ARK2C: variants seen among roughly 807,000 people sequenced by gnomAD.
ARK2C encodes E3 ubiquitin-protein ligase ARK2C.
At chr18:46,371,963 C>T in the ARK2C span, among the ~76,000 whole-genome samples, 4 of 152,186 alleles carry the variant, frequency 2.6e-5, no homozygotes, top group East Asian at 1.9e-4. Context: ...TGACTCCTAA[C>T]GTACTAGACT....
the ARK2C span, among the ~76,000 whole-genome samples, chr18:46,428,182 T>G: frequency 7.2e-5 from 11 of 152,024 alleles, no homozygotes; most frequent in African/African-American, 1.9e-4. Flanking sequence ...AGGCCGAGGC[T>G]GGCGGACCAC....
At chr18:46,390,153 C>T in the ARK2C span, among the ~76,000 whole-genome samples, 2 of 152,230 alleles carry the variant, frequency 1.3e-5, no homozygotes, top group South Asian at 4.1e-4. Flanking sequence ...CACCCCAACC[C>T]CTGTGGGATG....
chr18:46,415,983 C>A, the ARK2C span, among the ~76,000 whole-genome samples: 62 of 152,240 alleles, frequency 4.1e-4, no homozygotes, highest in African/African-American at 1.5e-3. Flanking sequence ...CAGTGCTGCA[C>A]CAGCTGGCCA....
At chr18:46,452,976 G>T in the ARK2C span, among the ~76,000 whole-genome samples, 1 of 152,148 alleles carries the variant, frequency 6.6e-6, no homozygotes, top group African/African-American at 2.4e-5. Context: ...GGGACTCAAC[G>T]GGATGATGCA....
At chr18:46,421,587 T>C in the ARK2C span, among the ~76,000 whole-genome samples, 1 of 152,224 alleles carries the variant, frequency 6.6e-6, no homozygotes, top group Non-Finnish European at 1.5e-5. Context: ...AGTATCTTCT[T>C]GGATGGATCA....
the ARK2C span, chr18:46,334,257 G>A: frequency 1.4e-6 from 2 of 1,476,612 alleles, no homozygotes; most frequent in South Asian, 1.3e-5. The surrounding 1 kb of genome is among the most constrained non-coding windows in gnomAD (Gnocchi z 4.4). Context: ...CGCCGCCGCC[G>A]CCGCGCGAGG....
the ARK2C span, among the ~76,000 whole-genome samples, chr18:46,359,163 G>A: frequency 1.3e-5 from 2 of 152,256 alleles, no homozygotes; most frequent in African/African-American, 2.4e-5. Context: ...ATTCAATTCA[G>A]TCTGACAATC....
At chr18:46,410,458 G>T in the ARK2C span, among the ~76,000 whole-genome samples, 1 of 152,214 alleles carries the variant, frequency 6.6e-6, no homozygotes, top group South Asian at 2.1e-4. Flanking sequence ...AACCCGTTAG[G>T]CTGTGAGACT....
the ARK2C span, among the ~76,000 whole-genome samples, chr18:46,454,658 G>A: frequency 1.3e-5 from 2 of 152,302 alleles, no homozygotes; most frequent in South Asian, 2.1e-4. Context: ...CTTGGCATCC[G>A]GGCCTTGCCC....
chr18:46,447,720 C>T, the ARK2C span: 47 of 1,613,798 alleles, frequency 2.9e-5, 1 homozygote, highest in South Asian at 1.5e-4. Context: ...GACTCCCTTG[C>T]GCCTATTGAG....
chr18:46,433,778 T>C, the ARK2C span, among the ~76,000 whole-genome samples: 5 of 152,234 alleles, frequency 3.3e-5, no homozygotes, highest in African/African-American at 9.6e-5. Flanking sequence ...AGCCAGTGTG[T>C]GTCCCCATTG....
At chr18:46,350,645 C>G in the ARK2C span, among the ~76,000 whole-genome samples, 252 of 152,292 alleles carry the variant, frequency 1.7e-3, no homozygotes, top group African/African-American at 5.9e-3. Context: ...TCCTGCCACG[C>G]TCGGTGGTGG....
chr18:46,377,080 T>C, the ARK2C span, among the ~76,000 whole-genome samples: 4 of 152,104 alleles, frequency 2.6e-5, no homozygotes, highest in Non-Finnish European at 5.9e-5. Context: ...TTACATGTAC[T>C]AGGAGAGGTT....
the ARK2C span, among the ~76,000 whole-genome samples, chr18:46,418,413 T>C: frequency 6.6e-6 from 1 of 152,250 alleles, no homozygotes; most frequent in African/African-American, 2.4e-5. Context: ...TTTAATTAAC[T>C]ACATCCAAAA....
chr18:46,442,191 C>A, the ARK2C span, among the ~76,000 whole-genome samples: 425 of 151,788 alleles, frequency 2.8e-3, 2 homozygotes, highest in African/African-American at 9.6e-3. Flanking sequence ...AAGAAAATAG[C>A]CTTTGATCCC....
chr18:46,433,725 C>A, the ARK2C span, among the ~76,000 whole-genome samples: 8 of 152,246 alleles, frequency 5.3e-5, no homozygotes, highest in Non-Finnish European at 1.0e-4. Context: ...GCATCCACTT[C>A]AGGCAGTGAG....
the ARK2C span, among the ~76,000 whole-genome samples, chr18:46,384,184 A>T: frequency 6.6e-6 from 1 of 152,128 alleles, no homozygotes; most frequent in Non-Finnish European, 1.5e-5. Flanking sequence ...CTTCCAGCCC[A>T]ACCTCATCTA....
At chr18:46,432,173 C>T in the ARK2C span, among the ~76,000 whole-genome samples, 1 of 152,152 alleles carries the variant, frequency 6.6e-6, no homozygotes, top group South Asian at 2.1e-4. Flanking sequence ...AAAGGCCTCC[C>T]TTTGGCACCT....
At chr18:46,353,382 G>A in the ARK2C span, among the ~76,000 whole-genome samples, 1 of 152,196 alleles carries the variant, frequency 6.6e-6, no homozygotes, top group African/African-American at 2.4e-5. Context: ...AGCACCAGGT[G>A]CAATGTCTGG....
Sources: allele counts gnomAD v4.1 joint callset (sites outside exome capture counted in the v4.1 genomes callset), GRCh38; gene constraint gnomAD v4.1.1; non-coding constraint Gnocchi (gnomAD v3.1); transcripts MANE v1.5; gene names NCBI Gene and HGNC (gene_info 2026-07-23, HGNC 2026-07-21).